STON2: variants seen among roughly 807,000 people sequenced by gnomAD.
STON2 encodes the protein stonin-2.
Under a neutral mutation model 65.7 loss-of-function variants are expected in STON2, and 29 were observed. The observed-to-expected ratio is 0.44, with a 90% CI of 0.33 to 0.60. The LOEUF (loss-of-function observed/expected upper bound fraction) is 0.60, where lower values mean the gene tolerates loss of function less well. STON2 is among the 20% of genes least tolerant of loss of function. The probability of loss-of-function intolerance (pLI) is 0.03; values close to 1 mark genes in which losing one functional copy is unlikely to be tolerated. For synonymous variants in STON2, 404 were observed against 414.2 expected (o/e 0.98, Z 0.30); for missense variants, 1,054 against 1,118.1 (o/e 0.94, Z 0.82).
intron 3 of STON2, among the ~76,000 whole-genome samples, 174 bp from the exon 4 acceptor site, chr14:81,371,359 T>A (rs958045546): frequency 5.9e-5 from 9 of 152,148 alleles, no homozygotes; most frequent in Non-Finnish European, 1.3e-4. Flanking sequence ...AAAAACTGAC[T>A]GACTGAGACC....
intron 3 of STON2, among the ~76,000 whole-genome samples, chr14:81,392,361 G>T (rs1415813118): frequency 2.0e-5 from 3 of 152,126 alleles, no homozygotes; most frequent in African/African-American, 7.2e-5. Context: ...TGCTCTAGAT[G>T]AACTCTGGCC....
intron 4 of STON2, among the ~76,000 whole-genome samples, chr14:81,364,976 T>C (rs142496265): frequency 1.3e-5 from 2 of 152,260 alleles, no homozygotes; most frequent in East Asian, 1.9e-4. Flanking sequence ...TGTAGCCAAC[T>C]TGGGGATTTG....
intron 2 of STON2, among the ~76,000 whole-genome samples, chr14:81,417,161 T>C (rs1049365771): frequency 2.0e-5 from 3 of 152,114 alleles, no homozygotes; most frequent in Admixed American, 2.0e-4. Context: ...ACTCCATCCC[T>C]TGCATGCTTA....
At chr14:81,358,726 A>T (rs568233418) in intron 4 of STON2, among the ~76,000 whole-genome samples, 1 of 152,286 alleles carries the variant, frequency 6.6e-6, no homozygotes, top group South Asian at 2.1e-4. Context: ...ACCAAAAGAG[A>T]GCTGGGATAG....
In STON2 at chr14:81,288,485, G is replaced by A. The variant is rs528820395; in HGVS notation, c.743-9746C>T. On this transcript the variant is annotated intron_variant, in intron 5 of 7. Transcript: ENST00000614646. ...CTGAATACTGCAGGCAATTATAAGC[G>A]TTTGTATACCCAAAGATATCTAAAC... 1.1e-4 allele frequency among the ~76,000 whole-genome samples: 17 copies of A among 152,286 alleles called. No individual in the cohort carries two copies. In the South Asian group the frequency reaches 1.5e-3, roughly 13 times the overall value.
At chr14:81,286,783 G>A (rs1016868162) in intron 5 of STON2, among the ~76,000 whole-genome samples, 7 of 152,172 alleles carry the variant, frequency 4.6e-5, no homozygotes, top group African/African-American at 1.7e-4. Flanking sequence ...TTTGGGGCTT[G>A]GAGAGATTTC....
intron 4 of STON2, among the ~76,000 whole-genome samples, chr14:81,339,789 T>C (rs1897521712): frequency 6.6e-6 from 1 of 152,240 alleles, no homozygotes; most frequent in African/African-American, 2.4e-5. Flanking sequence ...TGCTATAATA[T>C]GATGGAATAC....
intron 5 of STON2, among the ~76,000 whole-genome samples, chr14:81,293,842 G>A (rs962579295): frequency 6.6e-6 from 1 of 152,258 alleles, no homozygotes; most frequent in Middle Eastern, 3.4e-3. Flanking sequence ...GCCTAGCACA[G>A]GTAGGGGAAT....
chr14:81,266,214 T>C lies in STON2; in HGVS notation c.*2200A>G, dbSNP rs1894353184. ...CTTTCACAGCACGTGGGATAGGTGG[T>C]TATTTTAACTGTTGGGCATTCACAG... On this transcript the variant is annotated 3_prime_UTR_variant, in exon 8 of 8. Transcript: ENST00000614646. 1.9e-6 allele frequency: 1 copy of C among 523,358 alleles called. No individual in the cohort carries two copies. The highest frequency in any genetic ancestry group is 2.5e-6 in the Non-Finnish European group (1 of 408,152). The allele number at this position is 523,358 out of a possible 1,614,324, so 32.4% of individuals were successfully genotyped here. A position where few individuals can be genotyped will look rare whatever the true frequency, so the allele number is the denominator to read the frequency against.
At position 81,261,537 on chromosome 14, in the gene STON2, G is replaced by A. The variant is rs1003234100; in HGVS notation, c.*6877C>T. On this transcript the variant is annotated 3_prime_UTR_variant, in exon 8 of 8. Coordinates refer to ENST00000614646, the MANE Select transcript of STON2 (RefSeq NM_001394390.1). ...CAATTTGATGTTACTAAGAGACAAC[G>A]AGGATACAGAGGGGACTGTCCCTTT... 7 of 348,480 alleles carry A rather than the reference G, an allele frequency of 2.0e-5. No individual in the cohort carries two copies. The highest frequency in any genetic ancestry group is 1.4e-4 in the Admixed American group (3 of 21,396). The allele number at this position is 348,480 out of a possible 1,614,324, so 21.6% of individuals were successfully genotyped here.
chr14:81,314,793 T>C (rs1304444514), intron 5 of STON2, among the ~76,000 whole-genome samples: 5 of 152,252 alleles, frequency 3.3e-5, no homozygotes, highest in African/African-American at 9.6e-5. Context: ...TGTAGCTTCC[T>C]CATGTTCTTC....
In STON2 at chr14:81,415,689, A is replaced by AT. The variant is rs1490483485; in HGVS notation, c.-199+11412_-199+11413insA. 5.9e-5 allele frequency among the ~76,000 whole-genome samples: 9 copies of AT among 151,580 alleles called. No individual in the cohort carries two copies. The East Asian group carries it at 1.6e-3, about 26-fold the overall frequency. Reference sequence around the variant, plus strand: ...ATCGCAAAAAAAAAAAAAAAAAAAAAATCTATTGTAATTCCTATAGCTGCC... The same window carrying AT: ...ATCGCAAAAAAAAAAAAAAAAAAAAATATCTATTGTAATTCCTATAGCTGCC... On this transcript the variant is annotated intron_variant, in intron 2 of 8. Transcript: ENST00000553821.
rs547715227 is a variant in STON2, at chr14:81,363,042, C to T, written c.571+7946G>A. The stretch of plus-strand genomic sequence containing the variant: ...CTCTATAATTGCTCCTTCCAGCAAG[C>T]GACTGTGTTCACAAACACCAGCCTC... On this transcript the variant is annotated intron_variant, in intron 4 of 7. Coordinates refer to ENST00000614646, the MANE Select transcript of STON2 (RefSeq NM_001394390.1). 1.3e-4 allele frequency among the ~76,000 whole-genome samples: 20 copies of T among 152,242 alleles called. 1 individual carries two copies. The South Asian group carries it at 2.7e-3, about 21-fold the overall frequency.
intron 4 of STON2, among the ~76,000 whole-genome samples, chr14:81,328,016 C>A (rs1340684533): frequency 6.6e-6 from 1 of 152,114 alleles, no homozygotes; most frequent in African/African-American, 2.4e-5. Flanking sequence ...ATAATAAAGC[C>A]TACCTTACAG....
intron 3 of STON2, among the ~76,000 whole-genome samples, chr14:81,383,618 C>A (rs1899642549): frequency 6.6e-6 from 1 of 152,140 alleles, no homozygotes; most frequent in African/African-American, 2.4e-5. Flanking sequence ...CATCTGGAAT[C>A]CAATCACTTC....
intron 1 of STON2, among the ~76,000 whole-genome samples, chr14:81,430,500 C>T (rs1367207121): frequency 6.6e-6 from 1 of 152,148 alleles, no homozygotes; most frequent in African/African-American, 2.4e-5. Context: ...ACACTGACCA[C>T]CCCTTGCCAG....
intron 2 of STON2, among the ~76,000 whole-genome samples, chr14:81,415,456 C>G (rs1225720981): frequency 6.6e-6 from 1 of 151,880 alleles, no homozygotes; most frequent in African/African-American, 2.4e-5. Context: ...AAATTAAGAG[C>G]CCCCAATGTG....
rs576055962 is a variant in STON2, at chr14:81,322,822, C to CT, written c.742+1194dup. The stretch of plus-strand genomic sequence containing the variant: ...TGTTTTAGGGCAATTTGCTGCAGCT[C>CT]TAGAAACCTGGATATGTTAAGCATA... On this transcript the variant is annotated intron_variant, in intron 5 of 7. Coordinates refer to ENST00000614646, the MANE Select transcript of STON2 (RefSeq NM_001394390.1). Among the ~76,000 whole-genome samples, 4 of 152,294 alleles carry CT rather than the reference C, an allele frequency of 2.6e-5. No individual in the cohort carries two copies. The East Asian group carries it at 5.8e-4, about 22-fold the overall frequency.
rs377423149 is a variant in STON2 at position 81,278,179 on chromosome 14, G to A, written c.1303C>T (p.His435Tyr). ...TTGAGTTTTTCAACAGCATCAGAGTGTGACTGGGTTTTGCTTGAATCATCA... is the reference window on the plus strand; with the variant it reads ...TTGAGTTTTTCAACAGCATCAGAGTATGACTGGGTTTTGCTTGAATCATCA... ...SFDDSSKTQS[H>Y]SDAVEKLKQL... The change falls in exon 6 of 8, where the codon CAC (histidine) becomes TAC (tyrosine). Residue 435 changes from histidine to tyrosine, a missense_variant. By Grantham distance (83) the His-to-Tyr change is moderately conservative. Coordinates refer to ENST00000614646, the MANE Select transcript of STON2 (RefSeq NM_001394390.1). 1 of 1,614,200 alleles carries A rather than the reference G, an allele frequency of 6.2e-7. No individual in the cohort carries two copies. Among genetic ancestry groups the A allele is most frequent in the African/African-American group, 1.3e-5 (1 of 75,052 alleles).
Sources: gnomAD v4.1 joint callset for allele counts (sites outside exome capture counted in the v4.1 genomes callset) on GRCh38, gnomAD v4.1.1 for gene constraint, MANE v1.5 for transcripts, NCBI Gene and HGNC (gene_info 2026-07-23, HGNC 2026-07-21) for gene names.